POFUT4: variants seen among roughly 807,000 people sequenced by gnomAD.
POFUT4 encodes the protein GDP-fucose protein O-fucosyltransferase 4.
chr10:73,777,769 G>A, the POFUT4 span, among the ~76,000 whole-genome samples: 2 of 152,022 alleles, frequency 1.3e-5, no homozygotes, highest in Non-Finnish European at 2.9e-5. Context: ...TGGCCAGTCT[G>A]GTGTCGAACT....
chr10:73,772,745 G>A, the POFUT4 span: 1 of 1,600,768 alleles, frequency 6.2e-7, no homozygotes, highest in East Asian at 2.3e-5. Flanking sequence ...GCCGCGCCTG[G>A]CGCACCAGAG....
chr10:73,779,735 A>G, the POFUT4 span: 1 of 152,200 alleles, frequency 6.6e-6, no homozygotes, highest in Non-Finnish European at 1.5e-5. Context: ...CATTATGTGC[A>G]ATAAAAAGGT....
At chr10:73,772,951 C>T in the POFUT4 span, 6 of 1,606,530 alleles carry the variant, frequency 3.7e-6, no homozygotes, top group African/African-American at 5.4e-5. Context: ...GGCGCCGCCG[C>T]GGCTACGCGC....
chr10:73,772,497 C>T, the POFUT4 span: 6 of 1,560,044 alleles, frequency 3.8e-6, no homozygotes, highest in Non-Finnish European at 5.2e-6. Context: ...GCGCTGGGCG[C>T]AGTGGGGGTG....
chr10:73,772,596 A>G, the POFUT4 span: 1 of 1,573,974 alleles, frequency 6.4e-7, no homozygotes, highest in South Asian at 1.2e-5. Context: ...CTATTCCCCC[A>G]CTTCCCGGGA....
At chr10:73,776,218 A>G in the POFUT4 span, 2 of 151,992 alleles carry the variant, frequency 1.3e-5, no homozygotes, top group Non-Finnish European at 2.9e-5. Context: ...TTTCATGTCA[A>G]ACTTCTATTT....
At chr10:73,777,619 A>C in the POFUT4 span, among the ~76,000 whole-genome samples, 2 of 149,728 alleles carry the variant, frequency 1.3e-5, no homozygotes, top group African/African-American at 4.9e-5. Context: ...CAGTGGCGCG[A>C]TCTCAGCTTA....
the POFUT4 span, chr10:73,773,233 C>T: frequency 2.1e-5 from 34 of 1,613,380 alleles, no homozygotes; most frequent in Middle Eastern, 1.7e-4. Context: ...GAGCTGCCTA[C>T]CGCGCGGCTA....
chr10:73,772,453 A>G, the POFUT4 span: 62 of 1,561,406 alleles, frequency 4.0e-5, no homozygotes, highest in Non-Finnish European at 5.3e-5. Context: ...AGTGGGCGGA[A>G]CCGTGGGATG....
At chr10:73,772,294 G>A in the POFUT4 span, 2 of 1,384,952 alleles carry the variant, frequency 1.4e-6, no homozygotes, top group Admixed American at 3.6e-5. Flanking sequence ...GCTGGGCGGG[G>A]TCGGTGCTGG....
At chr10:73,773,629 A>G in the POFUT4 span, 1 of 1,613,968 alleles carries the variant, frequency 6.2e-7, no homozygotes, top group Non-Finnish European at 8.5e-7. Flanking sequence ...CTGCCTAACT[A>G]CCTCAACGGC....
chr10:73,772,652 C>T, the POFUT4 span: 11 of 1,555,702 alleles, frequency 7.1e-6, no homozygotes, highest in South Asian at 4.7e-5. Flanking sequence ...CGTGGCGTCC[C>T]GGAACCGCCG....
chr10:73,773,406 C>G, the POFUT4 span: 4 of 1,614,126 alleles, frequency 2.5e-6, no homozygotes, highest in African/African-American at 4.0e-5. Flanking sequence ...CCGCGGTTCT[C>G]CCTCTGTGAG....
chr10:73,775,918 GAACCCT>G, the POFUT4 span: 2 of 523,862 alleles, frequency 3.8e-6, no homozygotes, highest in Non-Finnish European at 6.8e-6. Context: ...GTGGGAAACA[GAACCCT>G]AAAACATCCA....
chr10:73,772,399 C>G, the POFUT4 span: 39 of 1,568,196 alleles, frequency 2.5e-5, no homozygotes, highest in Non-Finnish European at 3.2e-5. Context: ...GTGCAGCCAG[C>G]GGCCATGGGT....
the POFUT4 span, among the ~76,000 whole-genome samples, chr10:73,777,556 CTT>C: frequency 2.2e-3 from 311 of 142,738 alleles, no homozygotes; most frequent in African/African-American, 2.7e-3. Flanking sequence ...TTCCCTATGA[CTT>C]TTTTTTTTTT....
the POFUT4 span, chr10:73,772,640 T>G: frequency 6.4e-7 from 1 of 1,556,156 alleles, no homozygotes; most frequent in Non-Finnish European, 8.7e-7. Context: ...GCGCGGCGCG[T>G]GCGTGGCGTC....
the POFUT4 span, chr10:73,775,391 T>C: frequency 6.3e-7 from 1 of 1,599,394 alleles, no homozygotes. Flanking sequence ...TTATATTGGA[T>C]TTACTTCACT....
chr10:73,773,820 G>A, the POFUT4 span: 236 of 1,554,036 alleles, frequency 1.5e-4, 1 homozygote, highest in Non-Finnish European at 2.5e-5. Context: ...TGACAGGTAA[G>A]AGTGCTGGGG....
Sources: allele counts gnomAD v4.1 joint callset (sites outside exome capture counted in the v4.1 genomes callset), GRCh38; gene constraint gnomAD v4.1.1; transcripts MANE v1.5; gene names NCBI Gene and HGNC (gene_info 2026-07-23, HGNC 2026-07-21).